EXOC1L: variants seen among roughly 807,000 people sequenced by gnomAD.
The protein encoded by EXOC1L is exocyst complex component 1 like, also known as exocyst complex component 1-like.
A neutral mutation model predicts 4.9 loss-of-function variants in EXOC1L; 10 were observed. The observed-to-expected ratio is 2.02, with a 90% CI of 1.25 to 3.43. The LOEUF (loss-of-function observed/expected upper bound fraction) is 3.43. EXOC1L is among the 30% of genes most tolerant of loss of function. The probability of loss-of-function intolerance (pLI) is 0.00; values close to 1 mark genes in which losing one functional copy is unlikely to be tolerated. For missense variants in EXOC1L, 114 were observed against 59.4 expected, an observed-to-expected ratio of 1.92 and a Z score of -3.02; for synonymous variants, 41 against 20.8, an observed-to-expected ratio of 1.97 and a Z score of -2.63.
intron 2 of EXOC1L, among the ~76,000 whole-genome samples, chr4:55,833,202 C>T (rs918809973): frequency 6.6e-6 from 1 of 151,674 alleles, no homozygotes; most frequent in Non-Finnish European, 1.5e-5. Flanking sequence ...ATTATACAGC[C>T]ATTATAAAAT....
At chr4:55,830,778 G>T (rs567280185) in intron 1 of EXOC1L, among the ~76,000 whole-genome samples, 1 of 152,218 alleles carries the variant, frequency 6.6e-6, no homozygotes, top group South Asian at 2.1e-4. Flanking sequence ...AATACCAAGC[G>T]GGTTAACAAT....
intron 1 of EXOC1L, among the ~76,000 whole-genome samples, chr4:55,830,240 G>C (rs1719991243): frequency 6.6e-6 from 1 of 152,196 alleles, no homozygotes; most frequent in Non-Finnish European, 1.5e-5. Context: ...GCATGTCAAA[G>C]TGATGCTTTC....
At chr4:55,832,134 A>G (rs1165827895) in intron 2 of EXOC1L, among the ~76,000 whole-genome samples, 1 of 152,034 alleles carries the variant, frequency 6.6e-6, no homozygotes, top group Non-Finnish European at 1.5e-5. Context: ...TACACTCATT[A>G]TGGCATGGGT....
Position 55,823,792 on chromosome 4 carries a change from T to C in EXOC1L, c.121+3645T>C, listed in dbSNP as rs575516931. 2.0e-5 allele frequency among the ~76,000 whole-genome samples: 3 copies of C among 152,318 alleles called. No individual in the cohort carries two copies. In the East Asian group the frequency reaches 5.8e-4, roughly 29 times the overall value. ...GTCACGATTTCGGCTCACTGCAATC[T>C]CCGCCTCCTGGGCTCAAGGATTCTC... is the stretch of plus-strand genomic sequence containing the variant. On this transcript the variant is annotated intron_variant, in intron 1 of 2. Transcript: ENST00000636125.
intron 2 of EXOC1L, among the ~76,000 whole-genome samples, chr4:55,833,033 G>C (rs1173033124): frequency 1.3e-5 from 2 of 151,918 alleles, no homozygotes; most frequent in African/African-American, 4.8e-5. Flanking sequence ...TTTTAAAAAA[G>C]TTGGTGTGTT....
At chr4:55,828,251 T>C (rs1199528384) in intron 1 of EXOC1L, among the ~76,000 whole-genome samples, 1 of 151,950 alleles carries the variant, frequency 6.6e-6, no homozygotes, top group Non-Finnish European at 1.5e-5. Context: ...CATGAAGGAG[T>C]CCTCTGCAAG....
At chr4:55,830,691 TA>T (rs1461110345) in intron 1 of EXOC1L, among the ~76,000 whole-genome samples, 5 of 151,582 alleles carry the variant, frequency 3.3e-5, no homozygotes, top group African/African-American at 1.2e-4. Context: ...AGTATAGTAC[TA>T]AAAGCTTTTG....
chr4:55,830,933 T>G (rs1720012688), intron 1 of EXOC1L, among the ~76,000 whole-genome samples: 1 of 152,206 alleles, frequency 6.6e-6, no homozygotes, highest in Admixed American at 6.5e-5. Context: ...ATGACCTCAT[T>G]TGCTTATATT....
intron 1 of EXOC1L, among the ~76,000 whole-genome samples, chr4:55,830,402 G>C (rs150285581): frequency 1.5e-3 from 235 of 152,212 alleles, no homozygotes; most frequent in Non-Finnish European, 2.8e-3. Context: ...TGTTAGCCTT[G>C]TCTCCCCAGT....
At chr4:55,835,702 G>A (rs1462730736) in intron 2 of EXOC1L, among the ~76,000 whole-genome samples, 1 of 151,734 alleles carries the variant, frequency 6.6e-6, no homozygotes, top group African/African-American at 2.4e-5. Flanking sequence ...TGATCAAATT[G>A]TTTGTTTTTT....
Position 55,837,105 on chromosome 4 carries a change from G to T in EXOC1L, c.273G>T (p.Leu91=), listed in dbSNP as rs1577669640. 1 of 697,432 alleles carries T rather than the reference G, an allele frequency of 1.4e-6. No homozygotes were observed. The highest frequency in any genetic ancestry group is 2.7e-5 in the East Asian group (1 of 37,172). The allele number at this position is 697,432 out of a possible 1,614,324, so 43.2% of individuals were successfully genotyped here. The part of the protein sequence containing the change: ...EADTDNPFFD[L]HFKKVYSLEA... The stretch of plus-strand genomic sequence containing the variant: ...TCCAGGACAATCCATTTTTTGATCT[G>T]CACTTCAAGAAAGTGTACAGTTTGG... The change falls in exon 3 of 3, where the codon CTG becomes CTT. Residue 91 remains leucine, a synonymous_variant. Coordinates refer to ENST00000636125, the MANE Select transcript of EXOC1L (RefSeq NM_001351574.3).
intron 2 of EXOC1L, among the ~76,000 whole-genome samples, chr4:55,832,084 A>C (rs1336235008): frequency 6.6e-6 from 1 of 151,954 alleles, no homozygotes; most frequent in Non-Finnish European, 1.5e-5. Context: ...TGTTACCCAG[A>C]TTTCCCATTG....
At chr4:55,833,420 A>C (rs1246799974) in intron 2 of EXOC1L, among the ~76,000 whole-genome samples, 1 of 151,922 alleles carries the variant, frequency 6.6e-6, no homozygotes, top group African/African-American at 2.4e-5. Flanking sequence ...AAAACAAACC[A>C]GTACTTTAAT....
chr4:55,825,033 G>A (rs1719846249), intron 1 of EXOC1L, among the ~76,000 whole-genome samples: 1 of 152,154 alleles, frequency 6.6e-6, no homozygotes, highest in South Asian at 2.1e-4. Flanking sequence ...TTGAAGGGGG[G>A]AAGTATTTAA....
intron 1 of EXOC1L, among the ~76,000 whole-genome samples, chr4:55,824,219 T>C (rs1560574909): frequency 6.6e-6 from 1 of 151,920 alleles, no homozygotes. Flanking sequence ...AAAAACACTT[T>C]ATTATTTTTG....
intron 2 of EXOC1L, 71 bp from the exon 3 acceptor site, chr4:55,837,014 T>C (rs1720181686): frequency 1.7e-6 from 1 of 594,166 alleles, no homozygotes; most frequent in Non-Finnish European, 3.0e-6. Context: ...TCCAAGAGAA[T>C]ATGAGAGAAT....
intron 1 of EXOC1L, among the ~76,000 whole-genome samples, chr4:55,826,760 A>G (rs992024639): frequency 3.0e-4 from 46 of 152,352 alleles, no homozygotes; most frequent in African/African-American, 1.1e-3. Flanking sequence ...AAGTGTGGAA[A>G]TTAGGGATTG....
rs1013331284 is a variant in EXOC1L at position 55,830,590 on chromosome 4, T to C, written c.122-744T>C. The stretch of plus-strand genomic sequence containing the variant: ...CTCAAATATTGATTCTTCTGATGTG[T>C]GTATATAAGACCAAATGATTTTAAG... On this transcript the variant is annotated intron_variant, in intron 1 of 2. Coordinates refer to ENST00000636125, the MANE Select transcript of EXOC1L (RefSeq NM_001351574.3). Among the ~76,000 whole-genome samples, 9 of 151,566 alleles carry C rather than the reference T, an allele frequency of 5.9e-5. 1 individual carries two copies. The highest frequency in any genetic ancestry group is 2.2e-4 in the African/African-American group (9 of 40,866).
At chr4:55,827,796 CTGG>C (rs1719923243) in intron 1 of EXOC1L, among the ~76,000 whole-genome samples, 1 of 152,164 alleles carries the variant, frequency 6.6e-6, no homozygotes, top group Non-Finnish European at 1.5e-5. Flanking sequence ...CAACTGCCTC[CTGG>C]TGGAGGAAAA....
Sources: allele counts gnomAD v4.1 joint callset (sites outside exome capture counted in the v4.1 genomes callset), GRCh38; gene constraint gnomAD v4.1.1; transcripts MANE v1.5; gene names NCBI Gene and HGNC (gene_info 2026-07-23, HGNC 2026-07-21).